Variants in ACSL3 observed in about 807,000 individuals in gnomAD.
The protein encoded by ACSL3 is fatty acid CoA ligase Acsl3.
A neutral mutation model predicts 84.7 loss-of-function variants in ACSL3; 34 were observed. That is an observed-to-expected ratio of 0.40 (90% confidence interval 0.31 to 0.53). The LOEUF (loss-of-function observed/expected upper bound fraction) is 0.53, where lower values mean the gene tolerates loss of function less well. Among genes scored for constraint, ACSL3 ranks in the 20% least tolerant of loss-of-function variants. The pLI, the probability that ACSL3 is intolerant of heterozygous loss-of-function variation, is 0.48. For synonymous variants in ACSL3, 315 were observed against 299.4 expected, an observed-to-expected ratio of 1.05 and a Z score of -0.54; for missense variants, 680 against 873.1, an observed-to-expected ratio of 0.78 and a Z score of 2.79.
chr2:222,889,599 C>G (rs550728841), intron 2 of ACSL3, among the ~76,000 whole-genome samples: 3 of 152,306 alleles, frequency 2.0e-5, no homozygotes, highest in South Asian at 2.1e-4. Context: ...TTTTAAACTT[C>G]TTAAGAAATG....
intron 12 of ACSL3, among the ~76,000 whole-genome samples, chr2:222,927,739 T>G (rs1322981797): frequency 6.6e-6 from 1 of 152,186 alleles, no homozygotes; most frequent in Non-Finnish European, 1.5e-5. Context: ...TGCGTCCCTT[T>G]TATGGGAGAA....
intron 1 of ACSL3, among the ~76,000 whole-genome samples, chr2:222,879,820 T>G (rs867743159): frequency 1.3e-5 from 2 of 152,122 alleles, no homozygotes; most frequent in Non-Finnish European, 2.9e-5. Context: ...CCAACAGTCG[T>G]AGGCCAGGCA....
chr2:222,876,101 C>T (rs1695440171), intron 1 of ACSL3, among the ~76,000 whole-genome samples: 1 of 152,150 alleles, frequency 6.6e-6, no homozygotes, highest in South Asian at 2.1e-4. Flanking sequence ...TAGAAGACTT[C>T]ATAAAAGAGG....
chr2:222,872,174 G>A (rs762967474), intron 1 of ACSL3, among the ~76,000 whole-genome samples: 5 of 152,100 alleles, frequency 3.3e-5, no homozygotes, highest in Admixed American at 6.5e-5. Flanking sequence ...GCTCAGGCTG[G>A]AGTGCAGTGG....
rs1275177128 is a variant in ACSL3, at chr2:222,943,473, C to T, written c.*1819C>T. 5.9e-6 allele frequency: 1 copy of T among 170,872 alleles called. No homozygotes were observed. Among genetic ancestry groups the T allele is most frequent in the African/African-American group, 2.4e-5 (1 of 41,940 alleles). 10.6% of individuals were successfully genotyped at this position (170,872 alleles called of 1,614,324 possible). A position where few individuals can be genotyped will look rare whatever the true frequency, so the allele number is the denominator to read the frequency against. On this transcript the variant is annotated 3_prime_UTR_variant, in exon 17 of 17. Transcript: ENST00000357430. Reference sequence around the variant, plus strand: ...GATGATTAAAAAAAGGAGATTGTATCTAGGAAAAAAGTGTGAATGCTTCAA... The same window carrying T: ...GATGATTAAAAAAAGGAGATTGTATTTAGGAAAAAAGTGTGAATGCTTCAA...
chr2:222,868,952 A>C (rs909232584), intron 1 of ACSL3, among the ~76,000 whole-genome samples: 1 of 151,120 alleles, frequency 6.6e-6, no homozygotes, highest in Non-Finnish European at 1.5e-5. Context: ...CCTGGGCAAC[A>C]GAGGGAGACG....
chr2:222,922,618 C>A, intron 8 of ACSL3, 90 bp from the exon 9 acceptor site: 1 of 1,534,302 alleles, frequency 6.5e-7, no homozygotes, highest in Non-Finnish European at 8.9e-7. Flanking sequence ...TGGGGCCCTT[C>A]CATGTGCCTT....
At chr2:222,864,751 A>G (rs964553336) in intron 1 of ACSL3, among the ~76,000 whole-genome samples, 1 of 152,028 alleles carries the variant, frequency 6.6e-6, no homozygotes, top group African/African-American at 2.4e-5. Flanking sequence ...TAGACTAGAA[A>G]AGGGTTTGTG....
At chr2:222,883,193 T>C (rs1212445391) in intron 1 of ACSL3, among the ~76,000 whole-genome samples, 1 of 151,790 alleles carries the variant, frequency 6.6e-6, no homozygotes, top group African/African-American at 2.4e-5. Flanking sequence ...TTTTTTTCTT[T>C]TTTTGAGACA....
chr2:222,908,053 C>A (rs969062015), intron 3 of ACSL3, among the ~76,000 whole-genome samples: 3 of 152,136 alleles, frequency 2.0e-5, no homozygotes, highest in Non-Finnish European at 4.4e-5. Flanking sequence ...GTAGGTTGCA[C>A]GAGAGTGGGA....
intron 4 of ACSL3, among the ~76,000 whole-genome samples, chr2:222,914,383 C>G (rs1320750485): frequency 6.6e-6 from 1 of 151,894 alleles, no homozygotes; most frequent in Non-Finnish European, 1.5e-5. Flanking sequence ...TTTGCCTCAG[C>G]CTCCTAGGTA....
intron 1 of ACSL3, among the ~76,000 whole-genome samples, chr2:222,866,908 C>A (rs191806853): frequency 6.7e-6 from 1 of 149,918 alleles, no homozygotes; most frequent in Non-Finnish European, 1.5e-5. Context: ...GATCTCTGCT[C>A]ACTGCAACCT....
chr2:222,878,438 G>T (rs1480483848), intron 1 of ACSL3, among the ~76,000 whole-genome samples: 2 of 152,152 alleles, frequency 1.3e-5, no homozygotes, highest in East Asian at 3.8e-4. Context: ...GCTGCTTATC[G>T]CCTTCTCTGC....
chr2:222,898,781 T>C (rs1362039525), intron 2 of ACSL3, among the ~76,000 whole-genome samples: 1 of 151,902 alleles, frequency 6.6e-6, no homozygotes, highest in African/African-American at 2.4e-5. Context: ...GAGCCGAGAT[T>C]GCGCCACTGC....
intron 2 of ACSL3, among the ~76,000 whole-genome samples, chr2:222,899,971 G>C (rs1454777998): frequency 1.3e-5 from 2 of 152,124 alleles, no homozygotes; most frequent in Non-Finnish European, 2.9e-5. Flanking sequence ...ATGCAGCCCA[G>C]CAAGTCCCAG....
intron 1 of ACSL3, among the ~76,000 whole-genome samples, chr2:222,867,376 T>TA (rs1695178506): frequency 6.6e-6 from 1 of 152,356 alleles, no homozygotes; most frequent in East Asian, 1.9e-4. Flanking sequence ...CCCCAAATCT[T>TA]ACAGCTAACC....
chr2:222,917,912 CAT>C (rs1452369499), intron 5 of ACSL3, 132 bp from the exon 6 acceptor site: 4 of 508,884 alleles, frequency 7.9e-6, no homozygotes, highest in East Asian at 3.1e-5. Flanking sequence ...CTTTAAAAAA[CAT>C]AACACTTATA....
intron 2 of ACSL3, among the ~76,000 whole-genome samples, chr2:222,894,744 T>C (rs2106105766): frequency 6.6e-6 from 1 of 152,336 alleles, no homozygotes; most frequent in South Asian, 2.1e-4. Flanking sequence ...GTGTATACAT[T>C]CTTCTCAGTT....
intron 13 of ACSL3, 82 bp from the exon 14 acceptor site, chr2:222,930,539 G>C: frequency 8.6e-7 from 1 of 1,167,126 alleles, no homozygotes; most frequent in South Asian, 1.9e-5. Flanking sequence ...ATTAAAATAA[G>C]ATGACTGTTT....
Sources: gnomAD v4.1 joint callset for allele counts (sites outside exome capture counted in the v4.1 genomes callset) on GRCh38, gnomAD v4.1.1 for gene constraint, MANE v1.5 for transcripts, NCBI Gene and HGNC (gene_info 2026-07-23, HGNC 2026-07-21) for gene names.